Variants in DMD observed in about 807,000 individuals in gnomAD.
The protein encoded by DMD is dystrophin.
Under a neutral mutation model 330.1 loss-of-function variants are expected in DMD, and 63 were observed. That is an observed-to-expected ratio of 0.19 (90% CI 0.16 to 0.24). DMD has a LOEUF of 0.24. Ranked by LOEUF, DMD falls within the 10% of genes least tolerant of loss-of-function variation. The pLI is 1.00. For synonymous variants in DMD, 1,223 were observed against 959.8 expected (o/e 1.27, Z -5.07); for missense variants, 3,344 against 2,684.1 (o/e 1.25, Z -5.43).
intron 7 of DMD, among the ~76,000 whole-genome samples, chrX:32,746,607 C>A (rs1443499356): frequency 8.9e-6 from 1 of 111,834 alleles, no homozygotes; most frequent in Non-Finnish European, 1.9e-5. Flanking sequence ...TTAGGAGGTA[C>A]AGAGTGATAT....
chrX:33,064,103 T>A (rs865931918), intron 1 of DMD, among the ~76,000 whole-genome samples: 1 of 111,408 alleles, frequency 9.0e-6, no homozygotes, highest in Non-Finnish European at 1.9e-5. Flanking sequence ...TATGCACATA[T>A]ATACTTCAAA....
chrX:31,830,238 T>A (rs2092991516), intron 49 of DMD, among the ~76,000 whole-genome samples: 2 of 112,591 alleles, frequency 1.8e-5, no homozygotes, highest in Admixed American at 1.9e-4. Flanking sequence ...TTCAAAGAAT[T>A]TGTTAAAAAG....
chrX:32,923,289 A>C (rs1409003292), intron 2 of DMD, among the ~76,000 whole-genome samples: 1 of 111,801 alleles, frequency 8.9e-6, no homozygotes, highest in Non-Finnish European at 1.9e-5. Context: ...GGTGGGGCGC[A>C]GTGGCTCACA....
chrX:33,157,087 A>G (rs2048541333), intron 1 of DMD, among the ~76,000 whole-genome samples: 1 of 111,896 alleles, frequency 8.9e-6, no homozygotes, highest in African/African-American at 3.2e-5. Context: ...CTGCTGTTAA[A>G]AAGTACTACA....
At chrX:31,157,804 T>C (rs184145741) in intron 74 of DMD, among the ~76,000 whole-genome samples, 1,126 of 109,575 alleles carry the variant, frequency 0.01, 15 homozygotes, top group African/African-American at 0.035. Flanking sequence ...AGAATCTTTT[T>C]TTTTTTTTTC....
At chrX:31,550,301 T>G (rs934109229) in intron 55 of DMD, among the ~76,000 whole-genome samples, 3 of 111,903 alleles carry the variant, frequency 2.7e-5, no homozygotes, top group Admixed American at 9.5e-5. Context: ...TGAGTTACTG[T>G]TTCAAAGAAT....
intron 19 of DMD, among the ~76,000 whole-genome samples, chrX:32,495,527 A>T (rs2043406180): frequency 9.0e-6 from 1 of 111,731 alleles, no homozygotes; most frequent in Non-Finnish European, 1.9e-5. Flanking sequence ...ACACTGTCAC[A>T]TTACTTAATG....
At chrX:33,229,716 C>G (rs1433121690) in intron 1 of DMD, among the ~76,000 whole-genome samples, 1 of 111,456 alleles carries the variant, frequency 9.0e-6, no homozygotes, top group Non-Finnish European at 1.9e-5. Flanking sequence ...CTTTATTCTT[C>G]TTTGTCAAGA....
chrX:33,100,586 G>A (rs2095228398), intron 1 of DMD, among the ~76,000 whole-genome samples: 1 of 110,999 alleles, frequency 9.0e-6, no homozygotes, highest in African/African-American at 3.3e-5. Context: ...AGATACTCGG[G>A]AAGCTGAGGC....
At chrX:32,077,352 A>T (rs1271573770) in intron 44 of DMD, among the ~76,000 whole-genome samples, 1 of 111,436 alleles carries the variant, frequency 9.0e-6, no homozygotes, top group African/African-American at 3.3e-5. Flanking sequence ...GGTGTATTTC[A>T]ACTAAAAGAA....
In DMD at chrX:31,444,542, T is replaced by C; in HGVS notation, c.9023A>G (p.Gln3008Arg). The change falls in exon 60 of 79, where the codon CAG becomes CGG. Residue 3008 changes from glutamine (Q) to arginine (R), a missense_variant. Physicochemically the swap from Gln to Arg is conservative, Grantham distance 43. Coordinates refer to ENST00000357033, the MANE Select transcript of DMD (RefSeq NM_004006.3). ...LARQLTTLGI[Q>R]LSPYNLSTLE... ...AGTGCTGAGGTTATACGGTGAGAGC[T>C]GAATGCCCAAAGTGGTAAGCTGGCG... The C allele has an allele frequency of 1.7e-6, 2 of 1,211,792 alleles. No individual in the cohort carries two copies. The highest frequency in any genetic ancestry group is 3.0e-5 in the East Asian group (1 of 33,840).
intron 44 of DMD, among the ~76,000 whole-genome samples, chrX:32,063,678 G>A (rs1176289016): frequency 1.8e-5 from 2 of 110,535 alleles, no homozygotes; most frequent in Non-Finnish European, 3.8e-5. Context: ...GATAAGTGTC[G>A]ATTTCTTTAC....
Position 31,929,696 on chromosome X carries a change from T to C in DMD, c.6812A>G (p.Asn2271Ser). The C allele has an allele frequency of 1.7e-6, 2 of 1,211,728 alleles. No individual in the cohort carries two copies. ...TACAAGCACGGGTCCTCCAGTTTCA[T>C]TTAATTGTTTGAGAATTCCCTGGCG... ...PLRQGILKQLNETGGPVLVSA... is the reference protein window; with the variant it reads ...PLRQGILKQLSETGGPVLVSA... The change falls in exon 47 of 79, where the codon AAT (asparagine) becomes AGT (serine). Residue 2271 changes from asparagine (N) to serine (S), a missense_variant. Physicochemically the swap from Asn to Ser is conservative, Grantham distance 46. Coordinates refer to ENST00000357033, the MANE Select transcript of DMD (RefSeq NM_004006.3).
chrX:33,132,318 T>C (rs1483534076), intron 1 of DMD, among the ~76,000 whole-genome samples: 2 of 111,947 alleles, frequency 1.8e-5, no homozygotes, highest in Non-Finnish European at 3.8e-5. Context: ...GTCCAACTAT[T>C]CCTTTAAATG....
rs148461469 is a variant in DMD at position 32,648,472 on chromosome X, T to C, written c.961-3320A>G. Reference sequence around the variant, plus strand: ...AATATTTTAAAATTAAACAGAAAAATAGTAGTCTGTGTCACTTATATAATA... The same window carrying C: ...AATATTTTAAAATTAAACAGAAAAACAGTAGTCTGTGTCACTTATATAATA... On this transcript the variant is annotated intron_variant, in intron 9 of 78. Coordinates refer to ENST00000357033, the MANE Select transcript of DMD (RefSeq NM_004006.3). 1.0e-2 allele frequency among the ~76,000 whole-genome samples: 1,111 copies of C among 111,628 alleles called. 20 individuals are homozygous for C. Among genetic ancestry groups the C allele is most frequent in the African/African-American group, 0.034 (1,047 of 30,733 alleles).
At chrX:31,187,811 G>A (rs912080662) in intron 67 of DMD, among the ~76,000 whole-genome samples, 26 of 102,408 alleles carry the variant, frequency 2.5e-4, no homozygotes, top group Non-Finnish European at 3.7e-4. Context: ...GACTTCTGAA[G>A]GGGCGATTTA....
chrX:32,402,190 G>T (rs2098089634), intron 30 of DMD, among the ~76,000 whole-genome samples: 1 of 111,497 alleles, frequency 9.0e-6, no homozygotes, highest in Admixed American at 9.6e-5. Context: ...TTAATTCCAG[G>T]TTATTTAACA....
chrX:32,815,520 T>TATATATATATACAC, intron 6 of DMD, among the ~76,000 whole-genome samples: 2 of 78,920 alleles, frequency 2.5e-5, no homozygotes, highest in African/African-American at 5.3e-5. Context: ...TATATATATA[T>TATATATATATACAC]ACACACACAC....
intron 2 of DMD, among the ~76,000 whole-genome samples, chrX:32,976,219 C>A (rs377255752): frequency 6.2e-5 from 6 of 97,106 alleles, no homozygotes; most frequent in African/African-American, 1.5e-4. Context: ...AGACTCGTCT[C>A]AAAAAAAAAA....
Sources: gnomAD v4.1 joint callset for allele counts (sites outside exome capture counted in the v4.1 genomes callset) on GRCh38, gnomAD v4.1.1 for gene constraint, MANE v1.5 for transcripts, NCBI Gene and HGNC (gene_info 2026-07-23, HGNC 2026-07-21) for gene names.